The following TENM1 variants were observed in gnomAD, a reference collection of about 807,000 sequenced individuals.
The protein encoded by TENM1 is teneurin transmembrane protein 1.
In TENM1, 35 loss-of-function variants were observed where a neutral mutation model predicts 174.8. That is an observed-to-expected ratio of 0.20 (90% CI 0.15 to 0.27). The LOEUF (loss-of-function observed/expected upper bound fraction) is 0.27, where lower values mean the gene tolerates loss of function less well. TENM1 is among the 10% of genes least tolerant of loss of function. The pLI is 1.00. For missense variants in TENM1, 1,633 were observed against 2,130.1 expected (o/e 0.77, Z 4.59); for synonymous variants, 781 against 798.7 (o/e 0.98, Z 0.37).
chrX:124,699,935 T>C (rs185822041), intron 5 of TENM1, among the ~76,000 whole-genome samples: 14 of 111,737 alleles, frequency 1.3e-4, no homozygotes, highest in African/African-American at 3.9e-4. Flanking sequence ...TCAATGCTAA[T>C]ATAAAAACTG....
chrX:124,547,541 C>A (rs1206772774), intron 14 of TENM1, among the ~76,000 whole-genome samples: 1 of 111,600 alleles, frequency 9.0e-6, no homozygotes, highest in African/African-American at 3.3e-5. Flanking sequence ...AAAAATCCTC[C>A]CAATATTGTT....
At chrX:125,199,712 T>G in the TENM1 span, among the ~76,000 whole-genome samples, 1 of 111,880 alleles carries the variant, frequency 8.9e-6, no homozygotes, top group Non-Finnish European at 1.9e-5. Context: ...ATAGACTTCA[T>G]TTATTAGACT....
At chrX:124,751,953 C>G (rs1008461936) in intron 3 of TENM1, among the ~76,000 whole-genome samples, 2 of 110,538 alleles carry the variant, frequency 1.8e-5, no homozygotes, top group Non-Finnish European at 3.8e-5. Flanking sequence ...AATAAACATA[C>G]GTGTGCATGT....
chrX:125,134,526 C>T, the TENM1 span, among the ~76,000 whole-genome samples: 2 of 112,189 alleles, frequency 1.8e-5, no homozygotes, highest in Non-Finnish European at 3.8e-5. Context: ...GTTTGTGCCT[C>T]CAGCATGGCT....
intron 22 of TENM1, among the ~76,000 whole-genome samples, chrX:124,467,586 T>C (rs1039470612): frequency 8.9e-6 from 1 of 111,815 alleles, no homozygotes; most frequent in Non-Finnish European, 1.9e-5. Context: ...CCAAAACTGG[T>C]GTGTGTTCTC....
At chrX:124,942,969 C>T (rs2058352047) in intron 1 of TENM1, among the ~76,000 whole-genome samples, 1 of 111,661 alleles carries the variant, frequency 9.0e-6, no homozygotes, top group African/African-American at 3.3e-5. Context: ...AACCATCACA[C>T]AGAGATCTTG....
At chrX:125,194,302 G>C in the TENM1 span, among the ~76,000 whole-genome samples, 1 of 111,052 alleles carries the variant, frequency 9.0e-6, no homozygotes, top group Non-Finnish European at 1.9e-5. Context: ...ATCAATTTCC[G>C]AGAATCATTG....
the TENM1 span, among the ~76,000 whole-genome samples, chrX:125,046,868 G>A: frequency 9.1e-6 from 1 of 109,327 alleles, no homozygotes; most frequent in Non-Finnish European, 1.9e-5. Flanking sequence ...GTGTGTGTGT[G>A]TGTGTGTGTG....
the TENM1 span, among the ~76,000 whole-genome samples, chrX:125,075,759 C>T: frequency 9.0e-6 from 1 of 111,151 alleles, no homozygotes; most frequent in African/African-American, 3.3e-5. Flanking sequence ...AGTATCAGAG[C>T]CTGCATTTTA....
intron 11 of TENM1, among the ~76,000 whole-genome samples, chrX:124,586,386 C>T (rs776341573): frequency 4.1e-4 from 43 of 106,124 alleles, no homozygotes; most frequent in Middle Eastern, 4.7e-3. Flanking sequence ...GTTCAATATA[C>T]GCAAATCAAG....
intron 5 of TENM1, among the ~76,000 whole-genome samples, chrX:124,700,507 T>G (rs1272040824): frequency 8.9e-6 from 1 of 111,778 alleles, no homozygotes; most frequent in African/African-American, 3.2e-5. Flanking sequence ...AGACAATCCT[T>G]GAAGAAAGTA....
intron 3 of TENM1, among the ~76,000 whole-genome samples, chrX:124,762,460 C>G (rs907591781): frequency 8.9e-6 from 1 of 112,242 alleles, no homozygotes; most frequent in Non-Finnish European, 1.9e-5. Flanking sequence ...TCTTACTATA[C>G]TTTGCATCTT....
At chrX:124,474,751 T>C (rs1234808181) in intron 22 of TENM1, among the ~76,000 whole-genome samples, 6 of 111,505 alleles carry the variant, frequency 5.4e-5, no homozygotes, top group Admixed American at 4.8e-4. Context: ...ATCTTTTGAC[T>C]ACCCTAAGCA....
chrX:124,560,860 G>C (rs2048803539), intron 14 of TENM1, among the ~76,000 whole-genome samples: 1 of 111,566 alleles, frequency 9.0e-6, no homozygotes, highest in East Asian at 2.8e-4. Flanking sequence ...CGAGTAGAAG[G>C]TATGTGGAAA....
At chrX:124,916,108 A>G (rs1156855884) in intron 1 of TENM1, among the ~76,000 whole-genome samples, 1 of 110,832 alleles carries the variant, frequency 9.0e-6, no homozygotes, top group Non-Finnish European at 1.9e-5. Flanking sequence ...GACCATCTAC[A>G]TACTGCAATC....
At chrX:125,011,580 G>GA in the TENM1 span, among the ~76,000 whole-genome samples, 4 of 111,686 alleles carry the variant, frequency 3.6e-5, no homozygotes, top group Non-Finnish European at 7.5e-5. Flanking sequence ...ACAGACATAT[G>GA]AAAAAAAGCT....
intron 3 of TENM1, among the ~76,000 whole-genome samples, chrX:124,745,230 C>CA (rs1182705486): frequency 9.0e-6 from 1 of 111,456 alleles, no homozygotes; most frequent in African/African-American, 3.3e-5. Flanking sequence ...ACTTTAAGAA[C>CA]AAAGGGCACT....
chrX:124,855,366 A>G (rs2056796139), intron 3 of TENM1, among the ~76,000 whole-genome samples: 1 of 111,445 alleles, frequency 9.0e-6, no homozygotes, highest in African/African-American at 3.3e-5. Flanking sequence ...ACACAAAACC[A>G]ATTTTCTGAG....
intron 11 of TENM1, among the ~76,000 whole-genome samples, chrX:124,608,121 A>C (rs1049175340): frequency 4.5e-5 from 5 of 111,408 alleles, no homozygotes; most frequent in Non-Finnish European, 9.4e-5. Flanking sequence ...CTGTGTGAGA[A>C]GCCCAATAAC....
Sources: allele counts gnomAD v4.1 joint callset (sites outside exome capture counted in the v4.1 genomes callset), GRCh38; gene constraint gnomAD v4.1.1; transcripts MANE v1.5; gene names NCBI Gene and HGNC (gene_info 2026-07-23, HGNC 2026-07-21).